Variants in WDR72 observed in about 807,000 individuals in gnomAD.
WDR72 encodes the protein WD repeat domain 72.
A neutral mutation model predicts 124.2 loss-of-function variants in WDR72; 120 were observed. The observed-to-expected ratio is 0.97, with a 90% CI of 0.83 to 1.12. The LOEUF is 1.12. Among genes scored for constraint, WDR72 ranks in the 50% most tolerant of loss-of-function variants. The pLI, the probability that WDR72 is intolerant of heterozygous loss-of-function variation, is 0.00. For missense variants in WDR72, 1,387 were observed against 1,278.8 expected (o/e 1.08, Z -1.29); for synonymous variants, 452 against 441.7 (o/e 1.02, Z -0.29).
intron 4 of WDR72, 71 bp downstream of exon 4, chr15:53,716,536 A>T: frequency 1.0e-6 from 1 of 975,240 alleles, no homozygotes; most frequent in South Asian, 1.3e-5. Context: ...GTTTCTTTAG[A>T]AGTGTATTTG....
intron 18 of WDR72, among the ~76,000 whole-genome samples, chr15:53,570,560 G>T (rs73406271): frequency 0.055 from 8,380 of 151,988 alleles, 642 homozygotes; most frequent in African/African-American, 0.18. Context: ...GTCAGAATGG[G>T]TATTATTAAA....
chr15:53,561,340 G>T (rs370535870), intron 18 of WDR72, among the ~76,000 whole-genome samples: 22 of 151,658 alleles, frequency 1.5e-4, no homozygotes, highest in Non-Finnish European at 2.8e-4. Context: ...CTTTTATTCT[G>T]TCCAGAACCC....
chr15:53,625,902 GTTC>G (rs1233742097), intron 14 of WDR72, among the ~76,000 whole-genome samples: 2 of 152,050 alleles, frequency 1.3e-5, no homozygotes, highest in African/African-American at 4.8e-5. Context: ...AGCCTACTAT[GTTC>G]TTCTTCCTTT....
At chr15:53,589,989 T>C (rs566411991) in intron 18 of WDR72, among the ~76,000 whole-genome samples, 20 of 152,170 alleles carry the variant, frequency 1.3e-4, no homozygotes, top group African/African-American at 4.6e-4. Context: ...CTCAATTTTA[T>C]AAGGAGCTAA....
intron 18 of WDR72, among the ~76,000 whole-genome samples, chr15:53,559,768 C>A (rs150829172): frequency 5.9e-5 from 9 of 152,062 alleles, no homozygotes; most frequent in Non-Finnish European, 1.2e-4. Context: ...TGCACTTGCT[C>A]TGGTTATGTA....
At chr15:53,575,401 C>T (rs527953772) in intron 18 of WDR72, among the ~76,000 whole-genome samples, 1 of 152,160 alleles carries the variant, frequency 6.6e-6, no homozygotes, top group African/African-American at 2.4e-5. Context: ...GAAATAAAAC[C>T]ATGATTGTTC....
In WDR72 at chr15:53,517,489, A is replaced by C. The variant is rs543176189; in HGVS notation, c.*210T>G. 1 of 544,314 alleles carries C rather than the reference A, an allele frequency of 1.8e-6. No homozygotes were observed. The highest frequency in any genetic ancestry group is 1.9e-5 in the African/African-American group (1 of 52,592). 33.7% of individuals were successfully genotyped at this position (544,314 alleles called of 1,614,324 possible). The stretch of plus-strand genomic sequence containing the variant: ...CTAGGCAATATTTTTCTAAAATTAG[A>C]TGAATATGAATATTTTCAATCAGTA... On this transcript the variant is annotated 3_prime_UTR_variant, in exon 20 of 20. Transcript: ENST00000360509.
At chr15:53,543,609 T>G (rs1483403022) in intron 18 of WDR72, among the ~76,000 whole-genome samples, 2 of 150,170 alleles carry the variant, frequency 1.3e-5, no homozygotes, top group African/African-American at 4.9e-5. Context: ...GCAAACACAT[T>G]CAAAAGCTAG....
chr15:53,715,946 C>A (rs1054019933), intron 4 of WDR72, among the ~76,000 whole-genome samples: 1 of 152,120 alleles, frequency 6.6e-6, no homozygotes, highest in Non-Finnish European at 1.5e-5. Context: ...TTTTGGAAAT[C>A]TTTTATTAAA....
At chr15:53,683,496 T>C (rs1384929126) in intron 13 of WDR72, among the ~76,000 whole-genome samples, 1 of 152,092 alleles carries the variant, frequency 6.6e-6, no homozygotes, top group East Asian at 1.9e-4. Flanking sequence ...TTTTTTAAAA[T>C]AAGGATAGTA....
rs2140195187 is a variant in WDR72 at position 53,517,840 on chromosome 15, GGAAATGAAGAATAGATACA to G, written c.3254-105_3254-87del. 7.1e-6 allele frequency: 9 copies of G among 1,265,574 alleles called. No individual in the cohort carries two copies. The South Asian group carries it at 1.1e-4, about 15-fold the overall frequency. The allele number at this position is 1,265,574 out of a possible 1,614,324, so 78.4% of individuals were successfully genotyped here. A position where few individuals can be genotyped will look rare whatever the true frequency, so the allele number is the denominator to read the frequency against. ...AGACCAAGAGGAGGGGAGGGAGAGA[GGAAATGAAGAATAGATACA>G]GAAAGGAAGAAGGGAGAGAATGAGG... is the stretch of plus-strand genomic sequence containing the variant. On this transcript the variant is annotated intron_variant, in intron 19 of 19. Transcript: ENST00000360509.
intron 18 of WDR72, among the ~76,000 whole-genome samples, chr15:53,570,189 G>C (rs1053324769): frequency 6.6e-6 from 1 of 151,514 alleles, no homozygotes; most frequent in Non-Finnish European, 1.5e-5. Flanking sequence ...GGCACAACAT[G>C]ATGTTTCGAA....
At chr15:53,626,939 T>C (rs1396562482) in intron 14 of WDR72, among the ~76,000 whole-genome samples, 2 of 152,224 alleles carry the variant, frequency 1.3e-5, no homozygotes, top group Admixed American at 1.3e-4. Context: ...CTTCGTACAG[T>C]AACACTTAAT....
At chr15:53,748,202 C>G (rs1198523149) in intron 1 of WDR72, among the ~76,000 whole-genome samples, 1 of 152,116 alleles carries the variant, frequency 6.6e-6, no homozygotes, top group Non-Finnish European at 1.5e-5. Flanking sequence ...ATTCATGCTA[C>G]TAGACAAAAC....
chr15:53,710,877 T>G lies in WDR72; in HGVS notation c.934A>C (p.Thr312Pro), dbSNP rs1471352699. 6.2e-7 allele frequency: 1 copy of G among 1,613,520 alleles called. No homozygotes were observed. The highest frequency in any genetic ancestry group is 8.5e-7 in the Non-Finnish European group (1 of 1,179,474). ...ATTACCTTATTTTCCTGCACAGAAG[T>G]AGAGCACAGTAAATGAGGATAAATG... ...ETIYPHLLCS[T>P]SVQENKEQSR... Residue 312 changes from threonine to proline, a missense_variant, in exon 9 of 20, where the codon ACT (threonine) becomes CCT (proline). Coordinates refer to ENST00000360509, the MANE Select transcript of WDR72 (RefSeq NM_182758.4).
At chr15:53,723,726 C>T (rs555605584) in intron 2 of WDR72, among the ~76,000 whole-genome samples, 20 of 152,302 alleles carry the variant, frequency 1.3e-4, no homozygotes, top group South Asian at 8.3e-4. Flanking sequence ...CTATGAACAT[C>T]TTTCATATCC....
intron 17 of WDR72, among the ~76,000 whole-genome samples, chr15:53,606,097 T>G (rs557794883): frequency 2.0e-5 from 3 of 152,232 alleles, no homozygotes; most frequent in East Asian, 3.9e-4. Context: ...CAGCCAGCAT[T>G]TCACATACCG....
intron 18 of WDR72, among the ~76,000 whole-genome samples, chr15:53,567,326 T>C (rs964516913): frequency 2.0e-5 from 3 of 151,996 alleles, no homozygotes; most frequent in African/African-American, 7.2e-5. Flanking sequence ...GTTCATACAA[T>C]AGATTTGAGG....
chr15:53,695,279 T>C (rs972237684), intron 13 of WDR72, among the ~76,000 whole-genome samples: 2 of 152,232 alleles, frequency 1.3e-5, no homozygotes, highest in South Asian at 2.1e-4. Flanking sequence ...TTATCTGCTA[T>C]GTAAATCCAC....
Sources: gnomAD v4.1 joint callset for allele counts (sites outside exome capture counted in the v4.1 genomes callset) on GRCh38, gnomAD v4.1.1 for gene constraint, MANE v1.5 for transcripts, NCBI Gene and HGNC (gene_info 2026-07-23, HGNC 2026-07-21) for gene names.